The following MBD5 variants were observed in gnomAD, a reference collection of about 807,000 sequenced individuals.
MBD5 encodes methyl-CpG binding domain protein 5.
MBD5 carries 13 observed loss-of-function variants against 117.3 expected under a neutral mutation model. The observed-to-expected ratio is 0.11, with a 90% CI of 0.07 to 0.18. MBD5 has a LOEUF of 0.18. MBD5 is among the 10% of genes least tolerant of loss of function. The pLI is 1.00. For synonymous variants in MBD5, 727 were observed against 766.4 expected (o/e 0.95, Z 0.85); for missense variants, 1,879 against 2,093.8 (o/e 0.90, Z 2.00).
At chr2:148,274,739 T>TTTG (rs1701066008) in intron 3 of MBD5, among the ~76,000 whole-genome samples, 1 of 149,944 alleles carries the variant, frequency 6.7e-6, no homozygotes. Context: ...TTTTTTTTTT[T>TTTG]GAGACAGAGT....
intron 4 of MBD5, among the ~76,000 whole-genome samples, chr2:148,428,140 A>G (rs1705864280): frequency 6.6e-6 from 1 of 152,232 alleles, no homozygotes; most frequent in African/African-American, 2.4e-5. Flanking sequence ...AAGGAACTTC[A>G]GCAAAGTCTC....
At chr2:148,147,198 T>C (rs957631305) in intron 1 of MBD5, among the ~76,000 whole-genome samples, 1 of 152,022 alleles carries the variant, frequency 6.6e-6, no homozygotes, top group Non-Finnish European at 1.5e-5. Flanking sequence ...TATATCATAA[T>C]TTGTTGTCAA....
At chr2:148,361,572 A>G (rs1334572879) in intron 4 of MBD5, among the ~76,000 whole-genome samples, 1 of 152,226 alleles carries the variant, frequency 6.6e-6, no homozygotes. Flanking sequence ...AACATTGCCC[A>G]GGATCTAGGC....
chr2:148,131,748 A>G (rs1697053837), intron 1 of MBD5, among the ~76,000 whole-genome samples: 1 of 152,228 alleles, frequency 6.6e-6, no homozygotes, highest in Admixed American at 6.5e-5. Flanking sequence ...AAATTTTTGT[A>G]TGCATTTAGA....
At chr2:148,400,635 G>A (rs565237141) in intron 4 of MBD5, among the ~76,000 whole-genome samples, 1 of 152,268 alleles carries the variant, frequency 6.6e-6, no homozygotes, top group East Asian at 1.9e-4. Flanking sequence ...AAAGCTTTCA[G>A]TAAATCAGAA....
chr2:148,368,632 C>T (rs760971214), intron 4 of MBD5, among the ~76,000 whole-genome samples: 2 of 152,074 alleles, frequency 1.3e-5, no homozygotes, highest in Non-Finnish European at 2.9e-5. Context: ...GTAGTCCCAG[C>T]AGCCAAATGT....
chr2:148,209,436 G>C (rs148200031), intron 2 of MBD5, among the ~76,000 whole-genome samples: 2 of 151,998 alleles, frequency 1.3e-5, no homozygotes, highest in African/African-American at 4.8e-5. Context: ...TGAAGAACAG[G>C]CTCTTGCCAG....
intron 3 of MBD5, among the ~76,000 whole-genome samples, chr2:148,318,167 A>G (rs1047297870): frequency 6.6e-6 from 1 of 152,102 alleles, no homozygotes; most frequent in Non-Finnish European, 1.5e-5. Flanking sequence ...GTAAGATGGC[A>G]TCTCATTGTG....
At chr2:148,123,536 CA>C (rs1296739260) in intron 1 of MBD5, among the ~76,000 whole-genome samples, 4 of 152,082 alleles carry the variant, frequency 2.6e-5, no homozygotes, top group African/African-American at 9.7e-5. Context: ...AGATGTAGAA[CA>C]AGGGTCAAAG....
At chr2:148,460,330 C>T (rs1707029152) in intron 5 of MBD5, 1 of 152,064 alleles carries the variant, frequency 6.6e-6, no homozygotes, top group Non-Finnish European at 1.5e-5. Flanking sequence ...TTTTCTAAGT[C>T]TGACTAGACT....
chr2:148,323,535 A>G (rs1035273621), intron 3 of MBD5, among the ~76,000 whole-genome samples: 1 of 152,134 alleles, frequency 6.6e-6, no homozygotes, highest in Non-Finnish European at 1.5e-5. Context: ...AATGATCGCC[A>G]TTCTAACTGG....
intron 1 of MBD5, among the ~76,000 whole-genome samples, chr2:148,060,612 A>G (rs1345021093): frequency 6.6e-6 from 1 of 152,154 alleles, no homozygotes; most frequent in Non-Finnish European, 1.5e-5. Flanking sequence ...ATTCTTAAGA[A>G]TGCCCAGAAT....
chr2:148,095,228 A>C lies in MBD5; in HGVS notation c.-925+73544A>C, dbSNP rs1696038189. On this transcript the variant is annotated intron_variant, in intron 1 of 13. Coordinates refer to ENST00000642680, the MANE Select transcript of MBD5 (RefSeq NM_001378120.1). ...ACTTGTTATAAAAATGCTTATTTTC[A>C]AATTCCTAAAAGAACACAGTGAATA... Among the ~76,000 whole-genome samples the C allele has an allele frequency of 2.6e-5, 4 of 152,324 alleles. No homozygotes were observed. The South Asian group carries it at 8.3e-4, about 32-fold the overall frequency.
rs1317855820 is a variant in MBD5 at position 148,138,407 on chromosome 2, GCATTTAT to G, written c.-924-40290_-924-40284del. ...ATTTCAATTAGAATATGGAGAAAAT[GCATTTAT>G]CAAGGAATTTTGCCGAGATTCATTT... is the stretch of plus-strand genomic sequence containing the variant. On this transcript the variant is annotated intron_variant, in intron 1 of 13. Coordinates refer to ENST00000642680, the MANE Select transcript of MBD5 (RefSeq NM_001378120.1). Among the ~76,000 whole-genome samples the G allele has an allele frequency of 3.3e-5, 5 of 152,282 alleles. No individual in the cohort carries two copies. In the East Asian group the frequency reaches 9.6e-4, roughly 29 times the overall value.
chr2:148,170,149 G>C (rs1274663268), intron 1 of MBD5, among the ~76,000 whole-genome samples: 1 of 152,116 alleles, frequency 6.6e-6, no homozygotes, highest in Non-Finnish European at 1.5e-5. Flanking sequence ...TGCCCGTCTC[G>C]GCTTCCCAAA....
chr2:148,266,398 A>G (rs1700861374), intron 3 of MBD5, among the ~76,000 whole-genome samples: 1 of 152,110 alleles, frequency 6.6e-6, no homozygotes, highest in African/African-American at 2.4e-5. Flanking sequence ...ATTTCTTAAT[A>G]TGATAAAAAG....
chr2:148,134,992 G>C (rs1228615606), intron 1 of MBD5, among the ~76,000 whole-genome samples: 2 of 152,144 alleles, frequency 1.3e-5, no homozygotes, highest in African/African-American at 4.8e-5. Flanking sequence ...TTCTAACCTG[G>C]AAGATGAATG....
At chr2:148,425,808 C>T (rs1386972230) in intron 4 of MBD5, among the ~76,000 whole-genome samples, 3 of 152,144 alleles carry the variant, frequency 2.0e-5, no homozygotes, top group Non-Finnish European at 4.4e-5. Context: ...TCAATAGATG[C>T]AGAAAAGACC....
chr2:148,446,604 G>A (rs2197583), intron 4 of MBD5, among the ~76,000 whole-genome samples: 22 of 46,686 alleles, frequency 4.7e-4, no homozygotes, highest in East Asian at 1.7e-3. Flanking sequence ...TTATTTATCT[G>A]TGTGTGTGTG....
Sources: allele counts gnomAD v4.1 joint callset (sites outside exome capture counted in the v4.1 genomes callset), GRCh38; gene constraint gnomAD v4.1.1; transcripts MANE v1.5; gene names NCBI Gene and HGNC (gene_info 2026-07-23, HGNC 2026-07-21).